Variants in ABCB6 observed in about 807,000 individuals in gnomAD.
ABCB6 encodes ATP-binding cassette sub-family B member 6.
A neutral mutation model predicts 99.4 loss-of-function variants in ABCB6; 87 were observed. The observed-to-expected ratio is 0.88, with a 90% CI of 0.74 to 1.05. The LOEUF is 1.05. Ranked by LOEUF, ABCB6 falls within the 50% of genes least tolerant of loss-of-function variation. ABCB6 has a pLI of 0.00. For synonymous variants in ABCB6, 482 were observed against 447.5 expected (o/e 1.08, Z -0.97); for missense variants, 1,050 against 1,097.9 (o/e 0.96, Z 0.62).
Position 219,218,857 on chromosome 2 carries a change from GCGC to G in ABCB6, c.-187_-185del, listed in dbSNP as rs1950685687. 1.6e-6 allele frequency: 1 copy of G among 617,116 alleles called. No individual in the cohort carries two copies. The highest frequency in any genetic ancestry group is 2.6e-6 in the Non-Finnish European group (1 of 380,502). 38.2% of individuals were successfully genotyped at this position (617,116 alleles called of 1,614,324 possible). A position where few individuals can be genotyped will look rare whatever the true frequency, so the allele number is the denominator to read the frequency against. On this transcript the variant is annotated 5_prime_UTR_variant, in exon 1 of 19. Coordinates refer to ENST00000265316, the MANE Select transcript of ABCB6 (RefSeq NM_005689.4). ...CTCACCGCCCACTCCCCTAGCGCAC[GCGC>G]CGCCGCCACGCACTCACGCAGGGCA...
rs1950623253 is a variant in ABCB6 at position 219,215,078 on chromosome 2, G to A, written c.1159C>T (p.Leu387=). The A allele has an allele frequency of 6.2e-7, 1 of 1,613,996 alleles. No homozygotes were observed. The highest frequency in any genetic ancestry group is 1.7e-5 in the Admixed American group (1 of 60,002). ...TSSVTGLLSY[L]VFNVIPTLAD... is the part of the protein sequence containing the mutation. The stretch of plus-strand genomic sequence containing the variant: ...AGCGTGGGGATGACATTGAACACCA[G>A]GTAGCTAGGAGGGCAGGTCAAGTGA... Residue 387 remains leucine (L), a synonymous_variant, in exon 6 of 19, where the codon CTG becomes TTG. Transcript: ENST00000265316.
In ABCB6 at chr2:219,218,543, A is replaced by G; in HGVS notation, c.131T>C (p.Leu44Ser). Residue 44 changes from leucine to serine, a missense_variant, in exon 1 of 19, where the codon TTG becomes TCG. Leu to Ser is a moderately radical substitution (Grantham distance 145, BLOSUM62 -2). Transcript: ENST00000265316. ...STRMALGTLA[L>S]VLALPCRRRE... ...GCGTCTGCAGGGAAGAGCCAGCACC[A>G]AGGCCAGAGTCCCCAGAGCCATCCG... is the stretch of plus-strand genomic sequence containing the variant. 2.5e-6 allele frequency: 4 copies of G among 1,611,952 alleles called. No individual in the cohort carries two copies. Among genetic ancestry groups the G allele is most frequent in the Non-Finnish European group, 3.4e-6 (4 of 1,179,512 alleles).
In ABCB6 at chr2:219,212,883, C is replaced by T. The variant is rs573798908; in HGVS notation, c.1863+125G>A. The T allele has an allele frequency of 4.5e-6, 5 of 1,099,926 alleles. No homozygotes were observed. The East Asian group carries it at 1.0e-4, about 23-fold the overall frequency. 68.1% of individuals were successfully genotyped at this position (1,099,926 alleles called of 1,614,324 possible). ...GTCACCAGTGTCCATGGAGGCTGCA[C>T]CATTCAATCCGGTTGCCTATCGTGA... On this transcript the variant is annotated intron_variant, in intron 13 of 18. Transcript: ENST00000265316.
Position 219,218,501 on chromosome 2 carries a change from C to T in ABCB6, c.173G>A (p.Gly58Asp). The T allele has an allele frequency of 6.2e-7, 1 of 1,609,262 alleles. No homozygotes were observed. The change falls in exon 1 of 19, where the codon GGT becomes GAT. Residue 58 changes from glycine to aspartate, a missense_variant. Physicochemically the swap from Gly to Asp is moderately conservative, Grantham distance 94 (BLOSUM62 -1). Coordinates refer to ENST00000265316, the MANE Select transcript of ABCB6 (RefSeq NM_005689.4). ...LPCRRRERPA[G>D]ADSLSWGAGP... is the part of the protein sequence containing the mutation. ...GGCCCCCCAAGACAGCGAATCAGCACCAGCGGGCCGCTCCCGGCGTCTGCA... is the reference window on the plus strand; with the variant it reads ...GGCCCCCCAAGACAGCGAATCAGCATCAGCGGGCCGCTCCCGGCGTCTGCA...
chr2:219,211,025 G>A lies in ABCB6; in HGVS notation c.2052C>T (p.Ile684=), dbSNP rs749040662. The A allele has an allele frequency of 1.5e-5, 25 of 1,614,046 alleles. No individual in the cohort carries two copies. Among genetic ancestry groups the A allele is most frequent in the Middle Eastern group, 1.6e-4 (1 of 6,084 alleles). The change falls in exon 15 of 19, where the codon ATC becomes ATT. Residue 684 remains isoleucine (I), a synonymous_variant. Coordinates refer to ENST00000265316, the MANE Select transcript of ABCB6 (RefSeq NM_005689.4). ...TCCCAGCTGTGACACGGCCGTAACG[G>A]ATATTGTCGGCGATGGTGTCATTAA... ...VLFNDTIADN[I]RYGRVTAGND...
chr2:219,215,457 C>T (rs777251892), intron 5 of ABCB6: 12 of 206,114 alleles, frequency 5.8e-5, no homozygotes, highest in Non-Finnish European at 9.9e-5. Flanking sequence ...AAAAGCAGAA[C>T]CCAGCTGGGC....
At chr2:219,215,395 T>C (rs1196020610) in intron 5 of ABCB6, 1 of 312,230 alleles carries the variant, frequency 3.2e-6, no homozygotes, top group South Asian at 3.5e-5. Flanking sequence ...ACCTCCACAA[T>C]GCCATATTAG....
In ABCB6 at chr2:219,216,053, TG is replaced by T. The variant is rs1252790924; in HGVS notation, c.1097del (p.Thr366LysfsTer56). 1.2e-6 allele frequency: 2 copies of T among 1,607,824 alleles called. No individual in the cohort carries two copies. The highest frequency in any genetic ancestry group is 4.5e-5 in the East Asian group (2 of 44,726). ...LSLRWHLGRR[T>X]GEVLRIADRG... is the part of the protein sequence containing the mutation. ...GATCCGCGATCCGCAGCACCTCCCC[TG>T]TGCGGCGCCCCAGGTGCCAGCGCAG... On this transcript the variant is annotated frameshift_variant, in exon 5 of 19. Coordinates refer to ENST00000265316, the MANE Select transcript of ABCB6 (RefSeq NM_005689.4). LOFTEE classifies it high-confidence loss of function. This position sits in a 1 kb window ranked among gnomAD's most constrained non-coding sequence, Gnocchi z 4.2.
At chr2:219,211,727 T>C (rs1409290783) in intron 14 of ABCB6, among the ~76,000 whole-genome samples, 1 of 148,460 alleles carries the variant, frequency 6.7e-6, no homozygotes, top group East Asian at 2.0e-4. Flanking sequence ...TACAGCCTCC[T>C]GGTGGGACTA....
chr2:219,212,583 C>T (rs1950592264), intron 13 of ABCB6, 92 bp from the exon 14 acceptor site: 14 of 940,542 alleles, frequency 1.5e-5, no homozygotes, highest in Admixed American at 2.0e-5. Context: ...AGTGCAATGG[C>T]GCGATCTCAG....
rs1486277849 is a variant in ABCB6 at position 219,211,113 on chromosome 2, G to C, written c.1969-5C>G. 6.2e-7 allele frequency: 1 copy of C among 1,613,868 alleles called. No homozygotes were observed. The highest frequency in any genetic ancestry group is 8.5e-7 in the Non-Finnish European group (1 of 1,179,998). ...CCGGAGAGAGGCCTGGGTCACCTAG[G>C]GCCAAAAGACCACACACTCTGCCTT... On this transcript the variant is annotated splice_region_variant and splice_polypyrimidine_tract_variant and intron_variant, in intron 14 of 18. Transcript: ENST00000265316.
In ABCB6 at chr2:219,209,825, C is replaced by T. The variant is rs150160163; in HGVS notation, c.*113G>A. On this transcript the variant is annotated 3_prime_UTR_variant, in exon 19 of 19. Transcript: ENST00000265316. ...GATGTTTTTCGGAAAGGTCCCTTTC[C>T]CTTACCATAGCTAGCACCATACCCC... 155 of 847,182 alleles carry T rather than the reference C, an allele frequency of 1.8e-4. No individual in the cohort carries two copies. The East Asian group carries it at 2.6e-3, about 14-fold the overall frequency. The allele number at this position is 847,182 out of a possible 1,614,324, so 52.5% of individuals were successfully genotyped here.
rs368781340 is a variant in ABCB6 at position 219,214,197 on chromosome 2, C to T, written c.1387-11G>A. ...GTTGTAATACTTCACCTGATGAATT[C>T]AAACCAAATTTATTTGGCATGGGCA... On this transcript the variant is annotated splice_polypyrimidine_tract_variant and intron_variant, in intron 7 of 18. Transcript: ENST00000265316. 52 of 1,613,968 alleles carry T rather than the reference C, an allele frequency of 3.2e-5. No homozygotes were observed. In the South Asian group the frequency reaches 5.5e-4, roughly 17 times the overall value.
At position 219,216,791 on chromosome 2, in the gene ABCB6, G is replaced by A; in HGVS notation, c.729C>T (p.Gly243=). 1 of 1,612,926 alleles carries A rather than the reference G, an allele frequency of 6.2e-7. No individual in the cohort carries two copies. Residue 243 remains glycine, a synonymous_variant, in exon 3 of 19, where the codon GGC becomes GGT. Transcript: ENST00000265316. This position sits in a 1 kb window ranked among gnomAD's most constrained non-coding sequence, Gnocchi z 4.2. ...AGCCACTCAGGAGGCGGAGCTTCCT[G>A]CCAAAATCTCGCCAGGTAGACTGTT... ...AAQQSTWRDF[G]RKLRLLSGYL...
At chr2:219,211,987 TCTC>T (rs1451170287) in intron 14 of ABCB6, among the ~76,000 whole-genome samples, 1 of 152,024 alleles carries the variant, frequency 6.6e-6, no homozygotes, top group Non-Finnish European at 1.5e-5. Context: ...ATGGTCTCGA[TCTC>T]CTGACCTTGT....
rs746608536 is a variant in ABCB6, at chr2:219,216,727, C to A, written c.793G>T (p.Val265Leu). ...PRGSPALQLV[V>L]LICLGLMGLE... ...CCCATGAGCCCCAGGCAGATGAGCA[C>A]CACCAGCTGCAGAGCTGGACTCCCT... Residue 265 changes from valine (V) to leucine (L), a missense_variant, in exon 3 of 19, where the codon GTG (valine) becomes TTG (leucine). Val to Leu is a conservative substitution (Grantham distance 32). Coordinates refer to ENST00000265316, the MANE Select transcript of ABCB6 (RefSeq NM_005689.4). The surrounding 1 kb of genome is among the most constrained non-coding windows in gnomAD (Gnocchi z 4.2). 1.2e-6 allele frequency: 2 copies of A among 1,605,892 alleles called. No individual in the cohort carries two copies. Among genetic ancestry groups the A allele is most frequent in the Non-Finnish European group, 1.7e-6 (2 of 1,176,414 alleles).
rs538152351 is a variant in ABCB6, at chr2:219,216,297, C to T, written c.970+67G>A. Reference sequence around the variant, plus strand: ...GGCTGGGGAGGAATGCTGGGAGAGGCGGATGCTGAGGGAATGCCTGTGGGA... The same window carrying T: ...GGCTGGGGAGGAATGCTGGGAGAGGTGGATGCTGAGGGAATGCCTGTGGGA... On this transcript the variant is annotated intron_variant, in intron 4 of 18. Coordinates refer to ENST00000265316, the MANE Select transcript of ABCB6 (RefSeq NM_005689.4). The surrounding 1 kb of genome is among the most constrained non-coding windows in gnomAD (Gnocchi z 4.2). 15 of 1,587,492 alleles carry T rather than the reference C, an allele frequency of 9.4e-6. No homozygotes were observed. The highest frequency in any genetic ancestry group is 6.7e-5 in the South Asian group (6 of 89,866).
chr2:219,210,247 G>A lies in ABCB6; in HGVS notation c.2403C>T (p.Cys801=). The change falls in exon 18 of 19, where the codon TGC becomes TGT. Residue 801 remains cysteine, a synonymous_variant. Coordinates refer to ENST00000265316, the MANE Select transcript of ABCB6 (RefSeq NM_005689.4). ...ADQILVIKDG[C]IVERGRHEAL... is the part of the protein sequence containing the mutation. ...TCTCTTACCGTCCCCTCTCCACGAT[G>A]CAGCCATCCTTGATGACGAGGATCT... 1 of 1,614,196 alleles carries A rather than the reference G, an allele frequency of 6.2e-7. No individual in the cohort carries two copies. Among genetic ancestry groups the A allele is most frequent in the South Asian group, 1.1e-5 (1 of 91,088 alleles).
Position 219,211,128 on chromosome 2 carries a change from C to A in ABCB6, c.1969-20G>T, listed in dbSNP as rs751629406. ...GGTCACCTAGGGCCAAAAGACCACA[C>A]ACTCTGCCTTATGAGATACCCCCAA... On this transcript the variant is annotated intron_variant, in intron 14 of 18. Transcript: ENST00000265316. 2.5e-6 allele frequency: 4 copies of A among 1,613,352 alleles called. No homozygotes were observed. In the South Asian group the frequency reaches 4.4e-5, roughly 18 times the overall value.
Sources: allele counts gnomAD v4.1 joint callset (sites outside exome capture counted in the v4.1 genomes callset), GRCh38; gene constraint gnomAD v4.1.1; non-coding constraint Gnocchi (gnomAD v3.1); transcripts MANE v1.5; gene names NCBI Gene and HGNC (gene_info 2026-07-23, HGNC 2026-07-21).